ARSG: variants seen among roughly 807,000 people sequenced by gnomAD.
ARSG encodes the protein arylsulfatase G, also known as ASG.
A neutral mutation model predicts 50.5 loss-of-function variants in ARSG; 37 were observed. That is an observed-to-expected ratio of 0.73 (90% confidence interval 0.56 to 0.96). ARSG has a LOEUF of 0.96. Ranked by LOEUF, ARSG falls within the 50% of genes least tolerant of loss-of-function variation. The pLI is 0.00. For synonymous variants in ARSG, 225 were observed against 254.6 expected, an observed-to-expected ratio of 0.88 and a Z score of 1.11; for missense variants, 629 against 675.3, an observed-to-expected ratio of 0.93 and a Z score of 0.76.
At chr17:68,363,220 G>C (rs150290136) in intron 6 of ARSG, among the ~76,000 whole-genome samples, 5 of 152,264 alleles carry the variant, frequency 3.3e-5, no homozygotes, top group Middle Eastern at 3.4e-3. Context: ...CTTTGGAATT[G>C]GATCTTAAGA....
chr17:68,300,178 G>A (rs1051202831), intron 1 of ARSG, among the ~76,000 whole-genome samples: 3 of 152,046 alleles, frequency 2.0e-5, no homozygotes, highest in Admixed American at 6.6e-5. Context: ...ACCCCTGGCC[G>A]CAGGTGATCC....
At chr17:68,281,126 C>CA (rs782776858) in intron 1 of ARSG, among the ~76,000 whole-genome samples, 740 of 72,778 alleles carry the variant, frequency 0.01, 3 homozygotes, top group Middle Eastern at 0.02. Flanking sequence ...ACTCTGCCTC[C>CA]AAAAAAAAAA....
At chr17:68,426,022 T>G (rs751140968), downstream of ARSG, 4 of 1,472,138 alleles carry the variant, frequency 2.7e-6, no homozygotes, top group African/African-American at 4.2e-5. Flanking sequence ...AGGCGAAGGT[T>G]TCCTTCTAAG....
chr17:68,274,116 G>C (rs1360882206), intron 1 of ARSG: 1 of 1,591,816 alleles, frequency 6.3e-7, no homozygotes, highest in Non-Finnish European at 8.6e-7. Flanking sequence ...AGAGGCTTCA[G>C]GGTTAGCTGC....
chr17:68,423,264 C>T (rs1165684251), downstream of ARSG, among the ~76,000 whole-genome samples: 14 of 152,216 alleles, frequency 9.2e-5, 1 homozygote, highest in Admixed American at 7.9e-4. This position sits in a 1 kb window ranked among gnomAD's most constrained non-coding sequence, Gnocchi z 4.4. Context: ...TAGCATCCCT[C>T]GCTGAACATT....
At chr17:68,340,432 G>A (rs1480165410) in intron 2 of ARSG, among the ~76,000 whole-genome samples, 1 of 152,034 alleles carries the variant, frequency 6.6e-6, no homozygotes, top group Non-Finnish European at 1.5e-5. Context: ...TCACAGGCGT[G>A]TGCCACCATG....
intron 2 of ARSG, 88 bp downstream of exon 2, chr17:68,307,799 A>G: frequency 1.4e-6 from 1 of 720,668 alleles, no homozygotes; most frequent in Non-Finnish European, 2.4e-6. Flanking sequence ...GCACTTAAAG[A>G]GTCATTGATG....
Position 68,395,193 on chromosome 17 carries a change from G to T in ARSG, c.1212G>T (p.Arg404Ser). ...VLFGRSQPGHRVLFHPNSGAA... is the reference protein window; with the variant it reads ...VLFGRSQPGHSVLFHPNSGAA... ...TTGGCCGGTCACAGCCTGGGCACAG[G>T]GTAAGTGGAGGAGGTACTTGCCCAC... The change falls in exon 10 of 12, where the codon AGG becomes AGT. Residue 404 changes from arginine to serine, a missense_variant and splice_region_variant. Physicochemically the swap from Arg to Ser is moderately radical, Grantham distance 110 (BLOSUM62 -1). Transcript: ENST00000621439. 1 of 1,613,806 alleles carries T rather than the reference G, an allele frequency of 6.2e-7. No individual in the cohort carries two copies. Among genetic ancestry groups the T allele is most frequent in the Non-Finnish European group, 8.5e-7 (1 of 1,179,820 alleles).
downstream of ARSG, among the ~76,000 whole-genome samples, chr17:68,426,959 G>A (rs573263480): frequency 2.1e-3 from 320 of 152,138 alleles, 1 homozygote; most frequent in Admixed American, 7.6e-3. Flanking sequence ...TCACCTGTGA[G>A]AAAATAAAAA....
At chr17:68,416,712 C>A (rs2082387392) in intron 11 of ARSG, among the ~76,000 whole-genome samples, 1 of 152,134 alleles carries the variant, frequency 6.6e-6, no homozygotes, top group African/African-American at 2.4e-5. Context: ...AGTCAAAGAC[C>A]TTGTCTTCGA....
chr17:68,343,931 C>T lies in ARSG; in HGVS notation c.406+140C>T, dbSNP rs539987450. ...TAGGGATGCTCTCAGCTATAAGGAA[C>T]TGAAAAGACCTAACAGTGAATTAAA... On this transcript the variant is annotated intron_variant, in intron 3 of 11. Coordinates refer to ENST00000621439, the MANE Select transcript of ARSG (RefSeq NM_001267727.2). 8.3e-6 allele frequency: 7 copies of T among 843,222 alleles called. No homozygotes were observed. The South Asian group carries it at 9.4e-5, about 11-fold the overall frequency. The allele number at this position is 843,222 out of a possible 1,614,324, so 52.2% of individuals were successfully genotyped here.
rs138920486 is a variant in ARSG, at chr17:68,344,857, G to A, written c.406+1066G>A. On this transcript the variant is annotated intron_variant, in intron 3 of 11. Coordinates refer to ENST00000621439, the MANE Select transcript of ARSG (RefSeq NM_001267727.2). ...TGGGCATGCCTTGGGTGTCTGAACC[G>A]TGTGAACCTGTGGGAGGTTGTTCTA... 2.5e-3 allele frequency among the ~76,000 whole-genome samples: 383 copies of A among 152,344 alleles called. 2 individuals carry two copies. The highest frequency in any genetic ancestry group is 8.4e-3 in the African/African-American group (350 of 41,572).
intron 9 of ARSG, among the ~76,000 whole-genome samples, chr17:68,387,338 A>C (rs2080779252): frequency 6.6e-6 from 1 of 152,136 alleles, no homozygotes; most frequent in Non-Finnish European, 1.5e-5. Flanking sequence ...AATGTTGCCC[A>C]GGCTGGTGTT....
intron 2 of ARSG, among the ~76,000 whole-genome samples, chr17:68,316,169 G>T (rs1281873220): frequency 6.6e-6 from 1 of 152,040 alleles, no homozygotes; most frequent in Non-Finnish European, 1.5e-5. Flanking sequence ...TCTTATTGGC[G>T]AGGTCTCTCC....
intron 1 of ARSG, among the ~76,000 whole-genome samples, chr17:68,298,594 CAAAAAAAAA>C (rs562725952): frequency 1.5e-5 from 1 of 64,852 alleles, no homozygotes; most frequent in African/African-American, 6.2e-5. Flanking sequence ...GATCCTGTCT[CAAAAAAAAA>C]AAAAAAAAAA....
intron 1 of ARSG, among the ~76,000 whole-genome samples, chr17:68,295,740 C>T (rs1427882132): frequency 3.7e-5 from 5 of 134,504 alleles, no homozygotes; most frequent in Admixed American, 8.6e-5. Flanking sequence ...AGTGCAGTGG[C>T]GCGATCTTGG....
At chr17:68,328,427 A>G (rs561187055) in intron 2 of ARSG, among the ~76,000 whole-genome samples, 66 of 152,320 alleles carry the variant, frequency 4.3e-4, no homozygotes, top group Middle Eastern at 6.8e-3. Flanking sequence ...CACACTAGAC[A>G]GAGTTGGGGT....
chr17:68,325,926 G>T (rs2077484991), intron 2 of ARSG, among the ~76,000 whole-genome samples: 1 of 152,204 alleles, frequency 6.6e-6, no homozygotes, highest in South Asian at 2.1e-4. Context: ...TGATTAGCAT[G>T]CAGTGGAGTC....
At chr17:68,418,005 CAGGCG>C (rs1274885374) in intron 11 of ARSG, among the ~76,000 whole-genome samples, 4 of 152,046 alleles carry the variant, frequency 2.6e-5, no homozygotes, top group African/African-American at 9.7e-5. Context: ...GCTGGGATTA[CAGGCG>C]TGAGCCACCA....
Sources: allele counts gnomAD v4.1 joint callset (sites outside exome capture counted in the v4.1 genomes callset), GRCh38; gene constraint gnomAD v4.1.1; non-coding constraint Gnocchi (gnomAD v3.1); transcripts MANE v1.5; gene names NCBI Gene and HGNC (gene_info 2026-07-23, HGNC 2026-07-21).